COLQ: variants seen among roughly 807,000 people sequenced by gnomAD.
COLQ encodes the protein acetylcholinesterase collagenic tail peptide.
In COLQ, 48 loss-of-function variants were observed where a neutral mutation model predicts 69.0. The observed-to-expected ratio is 0.70, with a 90% confidence interval of 0.55 to 0.88. The LOEUF is 0.88. Among genes scored for constraint, COLQ ranks in the 40% least tolerant of loss-of-function variants. COLQ has a pLI of 0.00. For missense variants in COLQ, 618 were observed against 594.6 expected (o/e 1.04, Z -0.41); for synonymous variants, 217 against 211.2 (o/e 1.03, Z -0.24).
In COLQ at chr3:15,504,070, C is replaced by CTGG. The variant is rs2062869764; in HGVS notation, c.107-14436_107-14434dup. On this transcript the variant is annotated intron_variant, in intron 1 of 16. Coordinates refer to ENST00000383788, the MANE Select transcript of COLQ (RefSeq NM_005677.4). ...CACAGAGAGGGTTCAATCAGGTGTG[C>CTGG]TGGTGGTCTTCAATCAAACATGGAT... Among the ~76,000 whole-genome samples, 3 of 152,040 alleles carry CTGG rather than the reference C, an allele frequency of 2.0e-5. No homozygotes were observed. The South Asian group carries it at 6.2e-4, about 32-fold the overall frequency.
Position 15,453,294 on chromosome 3 carries a change from C to G in COLQ, c.1298+535G>C, listed in dbSNP as rs145655642. On this transcript the variant is annotated intron_variant, in intron 16 of 16. Coordinates refer to ENST00000383788, the MANE Select transcript of COLQ (RefSeq NM_005677.4). ...GACTCTCAGAAATAACTAGAGGGGT[C>G]CTTGGAGGGAGTATTTTCTTGGAGG... 5.1e-3 allele frequency among the ~76,000 whole-genome samples: 778 copies of G among 152,204 alleles called. 6 individuals are homozygous for G. The highest frequency in any genetic ancestry group is 0.017 in the Middle Eastern group (5 of 294).
chr3:15,458,522 G>A (rs1238623704), intron 12 of COLQ, among the ~76,000 whole-genome samples, 197 bp from the exon 13 acceptor site: 2 of 152,226 alleles, frequency 1.3e-5, no homozygotes, highest in African/African-American at 4.8e-5. Flanking sequence ...GCTGGTAGGC[G>A]ATAGTTTCCC....
At position 15,487,661 on chromosome 3, in the gene COLQ, G is replaced by A. The variant is rs141313987; in HGVS notation, c.321+545C>T. On this transcript the variant is annotated intron_variant, in intron 3 of 16. Coordinates refer to ENST00000383788, the MANE Select transcript of COLQ (RefSeq NM_005677.4). ...GGCCAGAGGGGCCAGGACTCTGTGG[G>A]GTGGGGTCTCTGGAGGGTACTCTTG... Among the ~76,000 whole-genome samples, 50 of 152,342 alleles carry A rather than the reference G, an allele frequency of 3.3e-4. No individual in the cohort carries two copies. The East Asian group carries it at 4.4e-3, about 13-fold the overall frequency.
intron 1 of COLQ, among the ~76,000 whole-genome samples, chr3:15,508,709 C>A (rs1011671152): frequency 6.6e-6 from 1 of 152,118 alleles, no homozygotes; most frequent in Non-Finnish European, 1.5e-5. Context: ...TCTGTTTCCA[C>A]ACACCTTCAC....
At chr3:15,509,930 T>C (rs1256883184) in intron 1 of COLQ, among the ~76,000 whole-genome samples, 1 of 152,078 alleles carries the variant, frequency 6.6e-6, no homozygotes, top group Non-Finnish European at 1.5e-5. Context: ...CCCAGCACTT[T>C]GGGAGGCCGA....
intron 1 of COLQ, among the ~76,000 whole-genome samples, chr3:15,505,361 G>C (rs9830070): frequency 6.6e-6 from 1 of 151,730 alleles, no homozygotes; most frequent in Non-Finnish European, 1.5e-5. Context: ...CAGTCATCTC[G>C]TGTCGGTCAT....
intron 12 of COLQ, among the ~76,000 whole-genome samples, chr3:15,461,638 T>C (rs1167731086): frequency 6.6e-6 from 1 of 152,186 alleles, no homozygotes. Context: ...TAGGGCCGCC[T>C]GGCTGACACT....
In COLQ at chr3:15,456,493, G is replaced by A; in HGVS notation, c.1041C>T (p.Tyr347=). The A allele has an allele frequency of 6.2e-7, 1 of 1,614,234 alleles. No individual in the cohort carries two copies. Among genetic ancestry groups the A allele is most frequent in the African/African-American group, 1.3e-5 (1 of 75,064 alleles). Residue 347 remains tyrosine (Y), a synonymous_variant, in exon 14 of 17, where the codon TAC becomes TAT. Transcript: ENST00000383788. ...IAFRRDQRSL[Y]FKDSLGWLPI... ...GGAGCCAGCCAAGGCTGTCCTTGAA[G>A]TACAGAGATCTCTGGTCTCTGCGGA...
rs1050173059 is a variant in COLQ at position 15,489,716 on chromosome 3, C to T, written c.107-79G>A. On this transcript the variant is annotated intron_variant, in intron 1 of 16. Transcript: ENST00000383788. ...CACACCCACCGTGCCCAGGGAAGAC[C>T]CATCCTGCCACCCCAGACTTCCACA... is the stretch of plus-strand genomic sequence containing the variant. 12 of 1,231,364 alleles carry T rather than the reference C, an allele frequency of 9.7e-6. No individual in the cohort carries two copies. The African/African-American group carries it at 1.3e-4, about 14-fold the overall frequency. 76.3% of individuals were successfully genotyped at this position (1,231,364 alleles called of 1,614,324 possible).
In COLQ at chr3:15,464,538, C is replaced by T. The variant is rs115163960; in HGVS notation, c.814+1803G>A. Among the ~76,000 whole-genome samples the T allele has an allele frequency of 6.8e-3, 1,037 of 152,192 alleles. 10 individuals carry two copies. Among genetic ancestry groups the T allele is most frequent in the African/African-American group, 0.023 (973 of 41,520 alleles). ...TGCCTGAATTAATTTATTTGGCATCCTAGTAGGTTGGACTCTCAGAGCCAG... is the reference window on the plus strand; with the variant it reads ...TGCCTGAATTAATTTATTTGGCATCTTAGTAGGTTGGACTCTCAGAGCCAG... On this transcript the variant is annotated intron_variant, in intron 12 of 16. Coordinates refer to ENST00000383788, the MANE Select transcript of COLQ (RefSeq NM_005677.4).
intron 15 of COLQ, among the ~76,000 whole-genome samples, chr3:15,454,300 T>C (rs888244077): frequency 1.3e-5 from 2 of 152,124 alleles, no homozygotes; most frequent in Admixed American, 6.5e-5. Flanking sequence ...TGAGGGTGCA[T>C]GGTGACTCTC....
chr3:15,501,813 T>TCTC (rs2062834854), intron 1 of COLQ, among the ~76,000 whole-genome samples: 1 of 152,184 alleles, frequency 6.6e-6, no homozygotes, highest in Non-Finnish European at 1.5e-5. Flanking sequence ...TATCATGATG[T>TCTC]CTCCTCTTAC....
intron 3 of COLQ, among the ~76,000 whole-genome samples, chr3:15,480,450 C>A (rs1035043595): frequency 1.3e-5 from 2 of 151,816 alleles, no homozygotes; most frequent in Non-Finnish European, 2.9e-5. Flanking sequence ...TCTGTCCTTG[C>A]GATAGTTTGC....
Position 15,473,991 on chromosome 3 carries a change from GTTAC to G in COLQ, c.636+5_636+8del, listed in dbSNP as rs1471567316. On this transcript the variant is annotated splice_donor_5th_base_variant and intron_variant, in intron 10 of 16. Coordinates refer to ENST00000383788, the MANE Select transcript of COLQ (RefSeq NM_005677.4). The surrounding 1 kb of genome is among the most constrained non-coding windows in gnomAD (Gnocchi z 4.0). ...TGAGGCCTATTTTCACTACCTCAAG[GTTAC>G]TTACTTTCTGCCCCAACATTCCAGG... 1 of 1,613,986 alleles carries G rather than the reference GTTAC, an allele frequency of 6.2e-7. No individual in the cohort carries two copies. The highest frequency in any genetic ancestry group is 1.3e-5 in the African/African-American group (1 of 74,924).
rs182328003 is a variant in COLQ, at chr3:15,473,393, A to G, written c.636+607T>C. Among the ~76,000 whole-genome samples the G allele has an allele frequency of 4.6e-4, 70 of 152,326 alleles. No homozygotes were observed. Among genetic ancestry groups the G allele is most frequent in the Admixed American group, 9.8e-4 (15 of 15,304 alleles). ...GGCTAGTCTCGAACTCCTGGGTTCA[A>G]GCCATCTGCCCACCTCGGCCTCCCA... On this transcript the variant is annotated intron_variant, in intron 10 of 16. Transcript: ENST00000383788. The surrounding 1 kb of genome is among the most constrained non-coding windows in gnomAD (Gnocchi z 4.0).
chr3:15,459,176 G>T (rs181231591), intron 12 of COLQ, among the ~76,000 whole-genome samples: 17 of 152,160 alleles, frequency 1.1e-4, no homozygotes, highest in Non-Finnish European at 2.5e-4. Flanking sequence ...ATTTCTGGAT[G>T]TGGGTTTCTT....
intron 1 of COLQ, among the ~76,000 whole-genome samples, chr3:15,500,450 G>GT (rs577154179): frequency 5.9e-5 from 9 of 151,876 alleles, no homozygotes; most frequent in South Asian, 2.1e-4. Context: ...CACTTACTGT[G>GT]TTTTTTTTAA....
rs1019609648 is a variant in COLQ, at chr3:15,494,200, C to T, written c.107-4563G>A. Among the ~76,000 whole-genome samples, 17 of 152,254 alleles carry T rather than the reference C, an allele frequency of 1.1e-4. 1 individual carries two copies. The highest frequency in any genetic ancestry group is 4.1e-4 in the African/African-American group (17 of 41,560). ...ATTGGAAAGTCGTAGGAAACCACGG[C>T]AGGTGCAGGGTAAAGGAGTGACAGG... On this transcript the variant is annotated intron_variant, in intron 1 of 16. Coordinates refer to ENST00000383788, the MANE Select transcript of COLQ (RefSeq NM_005677.4).
At chr3:15,465,945 T>C (rs1427895891) in intron 12 of COLQ, among the ~76,000 whole-genome samples, 2 of 152,204 alleles carry the variant, frequency 1.3e-5, no homozygotes, top group Non-Finnish European at 2.9e-5. Flanking sequence ...GACTCTTTTA[T>C]AACACTGTAA....
Sources: gnomAD v4.1 joint callset for allele counts (sites outside exome capture counted in the v4.1 genomes callset) on GRCh38, gnomAD v4.1.1 for gene constraint, Gnocchi (gnomAD v3.1) non-coding constraint, MANE v1.5 for transcripts, NCBI Gene and HGNC (gene_info 2026-07-23, HGNC 2026-07-21) for gene names.